GNA12: variants seen among roughly 807,000 people sequenced by gnomAD.
GNA12 encodes the protein G protein subunit alpha 12.
In GNA12, 9 loss-of-function variants were observed where a neutral mutation model predicts 26.0. That is an observed-to-expected ratio of 0.35 (90% CI 0.21 to 0.60). The LOEUF is 0.60. Ranked by LOEUF, GNA12 falls within the 20% of genes least tolerant of loss-of-function variation. The pLI, the probability that GNA12 is intolerant of heterozygous loss-of-function variation, is 0.78. For synonymous variants in GNA12, 264 were observed against 219.6 expected (o/e 1.20, Z -1.79); for missense variants, 405 against 525.8 (o/e 0.77, Z 2.25).
At chr7:2,760,910 G>C (rs1277322270) in intron 2 of GNA12, among the ~76,000 whole-genome samples, 1 of 151,812 alleles carries the variant, frequency 6.6e-6, no homozygotes, top group Non-Finnish European at 1.5e-5. Flanking sequence ...GGTGGGGAGT[G>C]GGGGGTTCTG....
At chr7:2,780,166 A>C (rs1792193498) in intron 2 of GNA12, among the ~76,000 whole-genome samples, 1 of 148,102 alleles carries the variant, frequency 6.8e-6, no homozygotes, top group African/African-American at 2.5e-5. Flanking sequence ...TTGATGCGTC[A>C]GGGACTTCTT....
At chr7:2,739,066 G>A (rs201178497) in intron 2 of GNA12, among the ~76,000 whole-genome samples, 4 of 152,212 alleles carry the variant, frequency 2.6e-5, no homozygotes, top group African/African-American at 4.8e-5. Context: ...CTCAGGCTCC[G>A]CAGGGTGTGT....
chr7:2,829,363 T>C (rs17132741), intron 1 of GNA12, among the ~76,000 whole-genome samples: 23,540 of 152,204 alleles, frequency 0.15, 2,051 homozygotes, highest in African/African-American at 0.22. Context: ...TGCAAATGCC[T>C]GAAGGAGTCC....
chr7:2,781,331 T>TAC (rs148970092), intron 2 of GNA12, among the ~76,000 whole-genome samples: 75 of 150,354 alleles, frequency 5.0e-4, no homozygotes, highest in South Asian at 1.1e-3. Context: ...TGTATATACA[T>TAC]ACACACACAC....
intron 2 of GNA12, among the ~76,000 whole-genome samples, chr7:2,791,451 G>C (rs1435465706): frequency 6.6e-6 from 1 of 152,124 alleles, no homozygotes; most frequent in Non-Finnish European, 1.5e-5. Context: ...AGAAAGGGTC[G>C]TCACAAGGTA....
rs564068805 is a variant in GNA12, at chr7:2,831,034, C to A, written c.309+12819G>T. ...TTCCTTCCAGGCCATCTTCTCATCTCCTCAGCTTCTGCAGTACCTAGCACA... is the reference window on the plus strand; with the variant it reads ...TTCCTTCCAGGCCATCTTCTCATCTACTCAGCTTCTGCAGTACCTAGCACA... On this transcript the variant is annotated intron_variant, in intron 1 of 3. Coordinates refer to ENST00000275364, the MANE Select transcript of GNA12 (RefSeq NM_007353.3). Among the ~76,000 whole-genome samples, 3 of 152,242 alleles carry A rather than the reference C, an allele frequency of 2.0e-5. 1 individual carries two copies. The highest frequency in any genetic ancestry group is 4.8e-5 in the African/African-American group (2 of 41,542).
chr7:2,778,230 A>G (rs1792128707), intron 2 of GNA12, among the ~76,000 whole-genome samples: 1 of 152,220 alleles, frequency 6.6e-6, no homozygotes, highest in South Asian at 2.1e-4. Flanking sequence ...AAAAGTCATA[A>G]CAACTTAATA....
intron 2 of GNA12, among the ~76,000 whole-genome samples, chr7:2,765,489 G>A (rs985142692): frequency 1.1e-4 from 16 of 152,120 alleles, no homozygotes; most frequent in African/African-American, 3.1e-4. Flanking sequence ...AAATGAATGA[G>A]CGCGCAGGGA....
At chr7:2,786,870 T>C (rs1281448933) in intron 2 of GNA12, among the ~76,000 whole-genome samples, 3 of 152,124 alleles carry the variant, frequency 2.0e-5, no homozygotes, top group Admixed American at 2.0e-4. Flanking sequence ...CGATGGGTGA[T>C]GGCCTTCATG....
Position 2,800,856 on chromosome 7 carries a change from G to A in GNA12, c.310-5713C>T, listed in dbSNP as rs76779504. ...GCTCCCCCACTGTGATTCCTCCTCC[G>A]GGTCCTCATCTCCCCACTTCCTTTG... On this transcript the variant is annotated intron_variant, in intron 1 of 3. Coordinates refer to ENST00000275364, the MANE Select transcript of GNA12 (RefSeq NM_007353.3). Among the ~76,000 whole-genome samples, 1,475 of 152,184 alleles carry A rather than the reference G, an allele frequency of 9.7e-3. 10 individuals carry two copies. Among genetic ancestry groups the A allele is most frequent in the Middle Eastern group, 0.075 (22 of 294 alleles).
At chr7:2,741,694 T>C (rs140917548) in intron 2 of GNA12, among the ~76,000 whole-genome samples, 33 of 152,146 alleles carry the variant, frequency 2.2e-4, no homozygotes, top group Middle Eastern at 3.4e-3. Context: ...TCTCTTTCAA[T>C]ACACAGACTT....
At chr7:2,745,733 TAA>T (rs1790733486) in intron 2 of GNA12, among the ~76,000 whole-genome samples, 1 of 152,096 alleles carries the variant, frequency 6.6e-6, no homozygotes, top group Non-Finnish European at 1.5e-5. Flanking sequence ...GCAAATTGGA[TAA>T]AGAGTCAAGA....
intron 2 of GNA12, among the ~76,000 whole-genome samples, chr7:2,773,113 G>A (rs1197772597): frequency 1.3e-5 from 2 of 152,206 alleles, no homozygotes. Context: ...AGGAGGAGTG[G>A]TATCAATGGG....
chr7:2,768,677 C>CAAAAAAAA (rs1791871309), intron 2 of GNA12, among the ~76,000 whole-genome samples: 1 of 78,022 alleles, frequency 1.3e-5, no homozygotes, highest in African/African-American at 3.7e-5. Context: ...AAAAAAAAAA[C>CAAAAAAAA]AAAACAAAAC....
chr7:2,745,109 A>T (rs1790702928), intron 2 of GNA12, among the ~76,000 whole-genome samples: 1 of 152,252 alleles, frequency 6.6e-6, no homozygotes, highest in African/African-American at 2.4e-5. Context: ...GATATTATCC[A>T]GGAAAACTTC....
chr7:2,766,095 CTT>C (rs1295048924), intron 2 of GNA12, among the ~76,000 whole-genome samples: 2 of 152,194 alleles, frequency 1.3e-5, no homozygotes, highest in African/African-American at 4.8e-5. Flanking sequence ...AAATGTGAAA[CTT>C]TGCACTAATT....
rs987454930 is a variant in GNA12 at position 2,729,644 on chromosome 7, C to T, written c.*1537G>A. ...CGGAAAACAAGCCAAGGGTGAGCTG[C>T]AGAGGGGCTCGGGGCTCGGGGCAGC... On this transcript the variant is annotated 3_prime_UTR_variant, in exon 4 of 4. Coordinates refer to ENST00000275364, the MANE Select transcript of GNA12 (RefSeq NM_007353.3). 4 of 152,332 alleles carry T rather than the reference C, an allele frequency of 2.6e-5. No individual in the cohort carries two copies. Among genetic ancestry groups the T allele is most frequent in the African/African-American group, 9.6e-5 (4 of 41,456 alleles). 9.4% of individuals were successfully genotyped at this position (152,332 alleles called of 1,614,324 possible).
At chr7:2,764,601 G>C (rs1181401395) in intron 2 of GNA12, 2 of 152,226 alleles carry the variant, frequency 1.3e-5, no homozygotes, top group African/African-American at 2.4e-5. Context: ...CTCTGCCATG[G>C]CTTAGGGAGC....
intron 1 of GNA12, among the ~76,000 whole-genome samples, chr7:2,805,656 G>T (rs540607341): frequency 6.6e-6 from 1 of 152,230 alleles, no homozygotes; most frequent in Non-Finnish European, 1.5e-5. Flanking sequence ...GAGCTGAGCT[G>T]ACCTCTGAGG....
Sources: gnomAD v4.1 joint callset for allele counts (sites outside exome capture counted in the v4.1 genomes callset) on GRCh38, gnomAD v4.1.1 for gene constraint, MANE v1.5 for transcripts, NCBI Gene and HGNC (gene_info 2026-07-23, HGNC 2026-07-21) for gene names.